The following CSMD1 variants were observed in gnomAD, a reference collection of about 807,000 sequenced individuals.
CSMD1 encodes the protein CUB and Sushi multiple domains 1.
A neutral mutation model predicts 417.5 loss-of-function variants in CSMD1; 213 were observed. The observed-to-expected ratio is 0.51, with a 90% CI of 0.46 to 0.57. CSMD1 has a LOEUF of 0.57. Ranked by LOEUF, CSMD1 falls within the 20% of genes least tolerant of loss-of-function variation. The pLI, the probability that CSMD1 is intolerant of heterozygous loss-of-function variation, is 0.00. For synonymous variants in CSMD1, 2,862 were observed against 1,736.8 expected, an observed-to-expected ratio of 1.65 and a Z score of -16.11; for missense variants, 6,923 against 4,529.7, an observed-to-expected ratio of 1.53 and a Z score of -15.17.
At chr8:4,545,053 T>A (rs997532861) in intron 2 of CSMD1, among the ~76,000 whole-genome samples, 4 of 152,220 alleles carry the variant, frequency 2.6e-5, no homozygotes, top group South Asian at 2.1e-4. Context: ...ACAATATACG[T>A]GTGTGTGCAC....
intron 26 of CSMD1, among the ~76,000 whole-genome samples, chr8:3,243,587 G>C (rs1799686087): frequency 6.6e-6 from 1 of 152,006 alleles, no homozygotes; most frequent in Non-Finnish European, 1.5e-5. Context: ...GTTAAGGCAG[G>C]AACAGGCCAT....
At chr8:3,677,470 C>G (rs995694850) in intron 7 of CSMD1, among the ~76,000 whole-genome samples, 1 of 152,178 alleles carries the variant, frequency 6.6e-6, no homozygotes, top group Non-Finnish European at 1.5e-5. Context: ...GGTGAATGCA[C>G]AGATCTGAGC....
intron 7 of CSMD1, among the ~76,000 whole-genome samples, chr8:3,655,720 T>G (rs1167542923): frequency 1.3e-5 from 2 of 151,856 alleles, no homozygotes; most frequent in African/African-American, 4.8e-5. Flanking sequence ...TCTAAATGAT[T>G]TATAATTCAG....
intron 9 of CSMD1, among the ~76,000 whole-genome samples, chr8:3,581,422 G>C (rs998094387): frequency 6.6e-6 from 1 of 152,186 alleles, no homozygotes; most frequent in African/African-American, 2.4e-5. Flanking sequence ...AAAAGGTAAT[G>C]TTGCCCCCCG....
rs1056697201 is a variant in CSMD1 at position 4,637,454 on chromosome 8, T to C, written c.190A>G (p.Thr64Ala). ...AACTGTATCCTATTGCGCTCGCCCG[T>C]GATGATGATCCAGGTGCAGTTGGCA... ...NYANCTWIII[T>A]GERNRIQLSF... The change falls in exon 2 of 70, where the codon ACG (threonine) becomes GCG (alanine). Residue 64 changes from threonine to alanine, a missense_variant. Thr to Ala is a moderately conservative substitution (Grantham distance 58, BLOSUM62 0). Transcript: ENST00000635120. 6.2e-7 allele frequency: 1 copy of C among 1,613,608 alleles called. No individual in the cohort carries two copies. Among genetic ancestry groups the C allele is most frequent in the African/African-American group, 1.3e-5 (1 of 74,820 alleles).
At chr8:4,037,785 G>C (rs953564958) in intron 3 of CSMD1, among the ~76,000 whole-genome samples, 1 of 152,054 alleles carries the variant, frequency 6.6e-6, no homozygotes, top group African/African-American at 2.4e-5. Context: ...TGAGGGCCTT[G>C]AACCATTCCA....
At chr8:3,241,770 G>T (rs971194285) in intron 26 of CSMD1, among the ~76,000 whole-genome samples, 1 of 152,048 alleles carries the variant, frequency 6.6e-6, no homozygotes, top group Non-Finnish European at 1.5e-5. Context: ...ATGTGGCTGG[G>T]GTTTGTCTCA....
intron 5 of CSMD1, among the ~76,000 whole-genome samples, chr8:3,865,223 C>T (rs1390393478): frequency 6.6e-6 from 1 of 152,238 alleles, no homozygotes; most frequent in African/African-American, 2.4e-5. Flanking sequence ...CATAAGTCAT[C>T]ATCTCTGTCC....
intron 51 of CSMD1, among the ~76,000 whole-genome samples, chr8:3,022,524 C>G (rs1267250485): frequency 6.6e-6 from 1 of 152,196 alleles, no homozygotes; most frequent in Non-Finnish European, 1.5e-5. Flanking sequence ...ATTATATTCA[C>G]GTTGAAATAT....
At chr8:3,603,008 G>T (rs1341316771) in intron 8 of CSMD1, among the ~76,000 whole-genome samples, 1 of 152,188 alleles carries the variant, frequency 6.6e-6, no homozygotes, top group African/African-American at 2.4e-5. Flanking sequence ...AAGAGAGAGG[G>T]AGGATATTCC....
At chr8:3,201,586 T>G in intron 32 of CSMD1, 26 bp downstream of exon 32, 1 of 1,427,992 alleles carries the variant, frequency 7.0e-7, no homozygotes. Flanking sequence ...TGAACTAAAT[T>G]AAGGGCAAAA....
intron 11 of CSMD1, among the ~76,000 whole-genome samples, chr8:3,488,589 T>C (rs551881658): frequency 6.6e-6 from 1 of 152,322 alleles, no homozygotes; most frequent in Non-Finnish European, 1.5e-5. Context: ...AGTAGGCTAA[T>C]TCCTCCTCAA....
intron 12 of CSMD1, among the ~76,000 whole-genome samples, chr8:3,415,774 G>A (rs1020940400): frequency 5.3e-5 from 8 of 152,162 alleles, no homozygotes; most frequent in Non-Finnish European, 1.0e-4. Context: ...ATTTCAGACT[G>A]AGATCTGGAA....
chr8:4,062,915 CAA>C (rs71205413), intron 3 of CSMD1, among the ~76,000 whole-genome samples: 6 of 147,534 alleles, frequency 4.1e-5, no homozygotes, highest in African/African-American at 1.5e-4. Flanking sequence ...CTGATCATTG[CAA>C]AAAAAAAAAA....
intron 5 of CSMD1, among the ~76,000 whole-genome samples, chr8:3,835,378 C>T (rs1482526899): frequency 6.6e-6 from 1 of 152,048 alleles, no homozygotes; most frequent in Non-Finnish European, 1.5e-5. Context: ...CCATGGAATA[C>T]TACGCAGCCA....
intron 2 of CSMD1, among the ~76,000 whole-genome samples, chr8:4,558,859 C>G (rs900118227): frequency 6.6e-6 from 1 of 152,170 alleles, no homozygotes; most frequent in African/African-American, 2.4e-5. Flanking sequence ...CAAAGTGAGA[C>G]TCCGTCTCAA....
intron 1 of CSMD1, among the ~76,000 whole-genome samples, chr8:4,749,500 T>C (rs945830340): frequency 1.3e-5 from 2 of 152,220 alleles, no homozygotes; most frequent in African/African-American, 4.8e-5. Context: ...TAGTGATGAC[T>C]TGTGGTTAGC....
At chr8:4,238,069 A>C (rs1222856665) in intron 3 of CSMD1, among the ~76,000 whole-genome samples, 3 of 152,240 alleles carry the variant, frequency 2.0e-5, no homozygotes, top group African/African-American at 7.2e-5. Context: ...AGGAGGCCTC[A>C]AGAGATTGTA....
intron 7 of CSMD1, among the ~76,000 whole-genome samples, chr8:3,685,018 A>G (rs1799875744): frequency 6.6e-6 from 1 of 152,174 alleles, no homozygotes. Flanking sequence ...AGTGAGCTCC[A>G]CTTAGAAGGA....
Sources: allele counts gnomAD v4.1 joint callset (sites outside exome capture counted in the v4.1 genomes callset), GRCh38; gene constraint gnomAD v4.1.1; transcripts MANE v1.5; gene names NCBI Gene and HGNC (gene_info 2026-07-23, HGNC 2026-07-21).